Variants in SYN3 observed in about 807,000 individuals in gnomAD.
SYN3 encodes synapsin-3.
SYN3 carries 35 observed loss-of-function variants against 65.8 expected under a neutral mutation model. The ratio of observed to expected loss-of-function variants is 0.53; its 90% CI spans 0.41 to 0.70. The LOEUF is 0.70. Among genes scored for constraint, SYN3 ranks in the 30% least tolerant of loss-of-function variants. The pLI is 0.00. For synonymous variants in SYN3, 270 were observed against 292.9 expected (o/e 0.92, Z 0.80); for missense variants, 680 against 749.0 (o/e 0.91, Z 1.08).
chr22:32,868,289 TTA>T (rs1345215730), intron 5 of SYN3, among the ~76,000 whole-genome samples: 1 of 151,338 alleles, frequency 6.6e-6, no homozygotes, highest in Non-Finnish European at 1.5e-5. Context: ...TGTTTTGTTA[TTA>T]TATATTATTA....
rs181144095 is a variant in SYN3, at chr22:32,897,871, G to A, written c.462-28746C>T. 4.7e-4 allele frequency among the ~76,000 whole-genome samples: 71 copies of A among 152,324 alleles called. No individual in the cohort carries two copies. In the East Asian group the frequency reaches 0.011, roughly 23 times the overall value. On this transcript the variant is annotated intron_variant, in intron 4 of 13. Coordinates refer to ENST00000358763, the MANE Select transcript of SYN3 (RefSeq NM_003490.4). ...GTCTTGCTGTGTTACCCAGGCTGGAGTGCAGTGGTGCGATCACAGCTTGCT... is the reference window on the plus strand; with the variant it reads ...GTCTTGCTGTGTTACCCAGGCTGGAATGCAGTGGTGCGATCACAGCTTGCT...
At chr22:32,889,818 T>C (rs1264357580) in intron 4 of SYN3, among the ~76,000 whole-genome samples, 4 of 152,038 alleles carry the variant, frequency 2.6e-5, no homozygotes, top group African/African-American at 9.7e-5. Context: ...TTTATATCTT[T>C]TTGGATTTTC....
chr22:32,536,033 C>T (rs867827531), intron 9 of SYN3, among the ~76,000 whole-genome samples: 1 of 152,256 alleles, frequency 6.6e-6, no homozygotes, highest in Non-Finnish European at 1.5e-5. Flanking sequence ...GGCAGGCCCA[C>T]TCCCACGTTA....
intron 3 of SYN3, among the ~76,000 whole-genome samples, chr22:32,962,159 C>G: frequency 8.9e-6 from 1 of 111,876 alleles, no homozygotes; most frequent in South Asian, 3.2e-4. Flanking sequence ...TTTTTTGAGA[C>G]AGAGTCTCGT....
At chr22:32,599,204 T>C (rs560600666) in intron 6 of SYN3, among the ~76,000 whole-genome samples, 1 of 152,332 alleles carries the variant, frequency 6.6e-6, no homozygotes, top group South Asian at 2.1e-4. Context: ...TTATTACTTG[T>C]TAACTTAATA....
intron 5 of SYN3, among the ~76,000 whole-genome samples, chr22:32,867,405 A>G (rs1439533668): frequency 6.6e-6 from 1 of 152,230 alleles, no homozygotes; most frequent in Non-Finnish European, 1.5e-5. Flanking sequence ...AGGACTTACA[A>G]CAGCACCTGG....
intron 1 of SYN3, among the ~76,000 whole-genome samples, chr22:33,040,664 C>T (rs1428414593): frequency 6.6e-6 from 1 of 152,132 alleles, no homozygotes; most frequent in Non-Finnish European, 1.5e-5. Context: ...AAGGGAGAGA[C>T]CAGGTGGACG....
intron 6 of SYN3, among the ~76,000 whole-genome samples, chr22:32,784,011 A>T (rs2046132599): frequency 6.6e-6 from 1 of 152,238 alleles, no homozygotes; most frequent in African/African-American, 2.4e-5. Flanking sequence ...TAATATATTC[A>T]AAAGTCCTTG....
chr22:32,798,299 A>G (rs1449127436), intron 6 of SYN3, among the ~76,000 whole-genome samples: 1 of 152,158 alleles, frequency 6.6e-6, no homozygotes, highest in East Asian at 1.9e-4. Context: ...CAGATACGAG[A>G]TCTGTGAATG....
intron 6 of SYN3, among the ~76,000 whole-genome samples, chr22:32,615,255 T>C (rs1019582559): frequency 2.6e-5 from 4 of 151,340 alleles, no homozygotes; most frequent in Non-Finnish European, 5.9e-5. Context: ...GCCAACATGG[T>C]GAAAGCCGGT....
rs2057694584 is a variant in SYN3, at chr22:32,511,825, C to T, written c.*1867G>A. On this transcript the variant is annotated 3_prime_UTR_variant, in exon 14 of 14. Transcript: ENST00000358763. ...CTGCTACTTATTATTGAATCCCAGA[C>T]CAAGAGTCTTGAACAGGAGGAGAGA... 1.3e-5 allele frequency among the ~76,000 whole-genome samples: 2 copies of T among 152,192 alleles called. No homozygotes were observed. Among genetic ancestry groups the T allele is most frequent in the Admixed American group, 1.3e-4 (2 of 15,276 alleles).
At chr22:32,972,593 G>A (rs1488582373) in intron 3 of SYN3, among the ~76,000 whole-genome samples, 1 of 152,194 alleles carries the variant, frequency 6.6e-6, no homozygotes, top group East Asian at 1.9e-4. Context: ...GGAATTGAAG[G>A]TAGAAAGAAG....
rs111750414 is a variant in SYN3, at chr22:32,897,726, G to A, written c.462-28601C>T. On this transcript the variant is annotated intron_variant, in intron 4 of 13. Transcript: ENST00000358763. ...TCACAGAGTTGTTAAGAGGATTTAA[G>A]TGAGTTAAAGAAAAAAATGCCTGGC... Among the ~76,000 whole-genome samples the A allele has an allele frequency of 2.9e-3, 445 of 152,322 alleles. 2 individuals are homozygous for A. The highest frequency in any genetic ancestry group is 4.9e-3 in the Non-Finnish European group (336 of 68,030).
intron 6 of SYN3, among the ~76,000 whole-genome samples, chr22:32,684,027 G>A (rs1424054986): frequency 2.0e-5 from 3 of 152,112 alleles, no homozygotes; most frequent in African/African-American, 7.2e-5. Flanking sequence ...TTCCTAAAAG[G>A]AACAATTCCT....
intron 1 of SYN3, among the ~76,000 whole-genome samples, chr22:33,019,906 T>C (rs2053533082): frequency 6.6e-6 from 1 of 152,224 alleles, no homozygotes; most frequent in Admixed American, 6.5e-5. Flanking sequence ...TTGCTTATTC[T>C]TAGCAATCCA....
chr22:32,962,842 ATCTATCTATCTG>A (rs1430627946), intron 3 of SYN3, among the ~76,000 whole-genome samples: 19 of 136,190 alleles, frequency 1.4e-4, no homozygotes, highest in South Asian at 8.8e-4. Flanking sequence ...CTATCTATCT[ATCTATCTATCTG>A]TCTGTCTTAC....
intron 2 of SYN3, among the ~76,000 whole-genome samples, chr22:32,981,284 A>G (rs1011745023): frequency 6.6e-6 from 1 of 151,316 alleles, no homozygotes; most frequent in African/African-American, 2.4e-5. Flanking sequence ...TAAAATAATG[A>G]TATTAATAAT....
intron 3 of SYN3, among the ~76,000 whole-genome samples, chr22:32,932,274 T>C (rs904463356): frequency 7.2e-6 from 1 of 139,058 alleles, no homozygotes; most frequent in Non-Finnish European, 1.5e-5. Flanking sequence ...CTCTTGGTAA[T>C]GGCCCCTCCT....
intron 6 of SYN3, among the ~76,000 whole-genome samples, chr22:32,723,857 T>C (rs1369072616): frequency 5.4e-4 from 82 of 152,230 alleles, no homozygotes; most frequent in Non-Finnish European, 2.9e-5. Context: ...ATAGGGGAGC[T>C]GTAGGCCGTG....
Sources: allele counts gnomAD v4.1 joint callset (sites outside exome capture counted in the v4.1 genomes callset), GRCh38; gene constraint gnomAD v4.1.1; transcripts MANE v1.5; gene names NCBI Gene and HGNC (gene_info 2026-07-23, HGNC 2026-07-21).